Variants in TNR observed in about 807,000 individuals in gnomAD.
TNR encodes the protein tenascin R.
In TNR, 45 loss-of-function variants were observed where a neutral mutation model predicts 150.4. That is an observed-to-expected ratio of 0.30 (90% CI 0.24 to 0.38). TNR has a LOEUF of 0.38. Among genes scored for constraint, TNR ranks in the 10% least tolerant of loss-of-function variants. TNR has a pLI of 1.00. For synonymous variants in TNR, 687 were observed against 678.4 expected (o/e 1.01, Z -0.20); for missense variants, 1,544 against 1,759.1 (o/e 0.88, Z 2.19).
chr1:175,570,347 T>A (rs920841585), intron 1 of TNR, among the ~76,000 whole-genome samples: 4 of 152,096 alleles, frequency 2.6e-5, no homozygotes, highest in Admixed American at 1.3e-4. Flanking sequence ...GCAGTTGGGG[T>A]GCGGAGGAGA....
chr1:175,706,702 C>G (rs564456013), intron 1 of TNR, among the ~76,000 whole-genome samples: 1 of 152,264 alleles, frequency 6.6e-6, no homozygotes, highest in South Asian at 2.1e-4. Context: ...TATGACCCTT[C>G]CATTCACTGG....
chr1:175,358,405 T>C (rs1041158265), intron 15 of TNR, among the ~76,000 whole-genome samples: 2 of 152,274 alleles, frequency 1.3e-5, no homozygotes, highest in African/African-American at 4.8e-5. Context: ...GTAGTTTCGA[T>C]AAAACTTATT....
chr1:175,353,168 A>G (rs1419730877), intron 18 of TNR, among the ~76,000 whole-genome samples: 3 of 128,816 alleles, frequency 2.3e-5, no homozygotes, highest in Admixed American at 2.2e-4. Flanking sequence ...AGAGAGAAAC[A>G]TTAGTAACAC....
chr1:175,710,215 A>T (rs541090272), intron 1 of TNR, among the ~76,000 whole-genome samples: 16 of 152,202 alleles, frequency 1.1e-4, no homozygotes, highest in Admixed American at 9.2e-4. Context: ...CCAGGCCTAG[A>T]GTGATGGCAA....
At chr1:175,641,206 C>A (rs369804434) in intron 1 of TNR, among the ~76,000 whole-genome samples, 12 of 152,146 alleles carry the variant, frequency 7.9e-5, no homozygotes, top group African/African-American at 2.7e-4. Flanking sequence ...AAAATTTATA[C>A]CCTGGGGTCA....
chr1:175,545,277 G>A (rs1430299924), intron 1 of TNR, among the ~76,000 whole-genome samples: 3 of 152,200 alleles, frequency 2.0e-5, no homozygotes, highest in African/African-American at 7.2e-5. Context: ...TGATCTTAGT[G>A]GGAACAGTTT....
chr1:175,412,260 C>T (rs1444747824), intron 2 of TNR, among the ~76,000 whole-genome samples: 1 of 152,186 alleles, frequency 6.6e-6, no homozygotes, highest in Non-Finnish European at 1.5e-5. Flanking sequence ...GGTCTTCATA[C>T]TAATTTCATG....
At chr1:175,379,106 G>A (rs1652543257) in intron 9 of TNR, among the ~76,000 whole-genome samples, 1 of 150,848 alleles carries the variant, frequency 6.6e-6, no homozygotes, top group African/African-American at 2.4e-5. Flanking sequence ...TTGAACCCGG[G>A]AGGCAGAGGT....
At chr1:175,451,291 T>C (rs7532072) in intron 2 of TNR, among the ~76,000 whole-genome samples, 2,256 of 151,850 alleles carry the variant, frequency 0.015, 73 homozygotes, top group African/African-American at 0.052. Context: ...TATATATGTA[T>C]ACATGTGCCA....
intron 1 of TNR, among the ~76,000 whole-genome samples, chr1:175,694,808 T>C (rs1666464542): frequency 6.6e-6 from 1 of 152,070 alleles, no homozygotes; most frequent in African/African-American, 2.4e-5. Flanking sequence ...GAAGAAGACA[T>C]CTACAATCAA....
chr1:175,663,978 C>A (rs1196371683), intron 1 of TNR, among the ~76,000 whole-genome samples: 2 of 152,228 alleles, frequency 1.3e-5, no homozygotes, highest in Admixed American at 1.3e-4. Context: ...TTAGAACTGT[C>A]CAAGTGTGGG....
At position 175,620,434 on chromosome 1, in the gene TNR, G is replaced by A. The variant is rs185404814; in HGVS notation, c.-164-92065C>T. 2.3e-4 allele frequency among the ~76,000 whole-genome samples: 35 copies of A among 152,276 alleles called. No homozygotes were observed. The East Asian group carries it at 5.2e-3, about 23-fold the overall frequency. On this transcript the variant is annotated intron_variant, in intron 1 of 22. Transcript: ENST00000367674. The stretch of plus-strand genomic sequence containing the variant: ...AAATTTTGACCCAGTAACCTCAACC[G>A]CCTTTCCCTTAACCTGGCTTTTATC...
At chr1:175,569,517 T>A (rs1219369086) in intron 1 of TNR, among the ~76,000 whole-genome samples, 2 of 152,166 alleles carry the variant, frequency 1.3e-5, no homozygotes, top group Non-Finnish European at 2.9e-5. Context: ...CAGAGACAAA[T>A]GAAACAAAGA....
chr1:175,699,620 G>A (rs1276864526), intron 1 of TNR, among the ~76,000 whole-genome samples: 1 of 152,088 alleles, frequency 6.6e-6, no homozygotes, highest in African/African-American at 2.4e-5. Context: ...CAGGATCCAT[G>A]GGCTGTCTAT....
intron 1 of TNR, among the ~76,000 whole-genome samples, chr1:175,686,947 A>G (rs1471068143): frequency 6.6e-6 from 1 of 152,164 alleles, no homozygotes; most frequent in African/African-American, 2.4e-5. Flanking sequence ...GCTGTGATAA[A>G]TATGTGAGTG....
chr1:175,504,409 G>A lies in TNR; in HGVS notation c.-64+23860C>T, dbSNP rs116487933. ...CCAAGCAGAGGAGGCAGGTAGCAGT[G>A]AACATAGCTCACTAGAATCGACACT... On this transcript the variant is annotated intron_variant, in intron 2 of 22. Coordinates refer to ENST00000367674, the MANE Select transcript of TNR (RefSeq NM_003285.3). Among the ~76,000 whole-genome samples the A allele has an allele frequency of 9.8e-4, 149 of 152,252 alleles. 1 individual carries two copies. Among genetic ancestry groups the A allele is most frequent in the African/African-American group, 3.5e-3 (146 of 41,532 alleles).
chr1:175,697,936 C>T (rs544598527), intron 1 of TNR, among the ~76,000 whole-genome samples: 11 of 152,236 alleles, frequency 7.2e-5, no homozygotes, highest in Non-Finnish European at 1.3e-4. Context: ...GTCCTGACTT[C>T]AGAGTCAGCC....
At chr1:175,524,676 A>C (rs148346761) in intron 2 of TNR, among the ~76,000 whole-genome samples, 1,769 of 152,250 alleles carry the variant, frequency 0.012, 38 homozygotes, top group African/African-American at 0.039. Flanking sequence ...GGAGAGTGAA[A>C]TTGAGCAAGC....
At chr1:175,359,525 A>T in intron 15 of TNR, 87 bp downstream of exon 15, 1 of 1,603,332 alleles carries the variant, frequency 6.2e-7, no homozygotes. Context: ...GATTGAAAAA[A>T]TGTTTTGTTT....
Sources: allele counts gnomAD v4.1 joint callset (sites outside exome capture counted in the v4.1 genomes callset), GRCh38; gene constraint gnomAD v4.1.1; transcripts MANE v1.5; gene names NCBI Gene and HGNC (gene_info 2026-07-23, HGNC 2026-07-21).